Variants in EPHA7 observed in about 807,000 individuals in gnomAD.
The protein encoded by EPHA7 is ephrin type-A receptor 7.
EPHA7 carries 25 observed loss-of-function variants against 112.6 expected under a neutral mutation model. The ratio of observed to expected loss-of-function variants is 0.22; its 90% CI spans 0.16 to 0.31. The LOEUF is 0.31. EPHA7 is among the 10% of genes least tolerant of loss of function. EPHA7 has a pLI of 1.00. For missense variants in EPHA7, 962 were observed against 1,212.6 expected (o/e 0.79, Z 3.07); for synonymous variants, 437 against 406.5 (o/e 1.07, Z -0.90).
At chr6:93,349,392 T>C (rs1775573606) in intron 5 of EPHA7, among the ~76,000 whole-genome samples, 1 of 151,920 alleles carries the variant, frequency 6.6e-6, no homozygotes, top group African/African-American at 2.4e-5. Flanking sequence ...AATCCTGCAC[T>C]TTCGGATACC....
intron 5 of EPHA7, among the ~76,000 whole-genome samples, chr6:93,282,747 G>C (rs114114915): frequency 0.035 from 5,285 of 152,222 alleles, 323 homozygotes; most frequent in African/African-American, 0.12. Context: ...TCAGAGCCGC[G>C]GGACCTGCCA....
chr6:93,322,618 A>T (rs1316075829), intron 5 of EPHA7, among the ~76,000 whole-genome samples: 1 of 151,666 alleles, frequency 6.6e-6, no homozygotes, highest in East Asian at 1.9e-4. Flanking sequence ...AAAGCAGTGC[A>T]CGTAGCTCAG....
chr6:93,362,940 C>T (rs1284313410), intron 3 of EPHA7, among the ~76,000 whole-genome samples: 2 of 152,092 alleles, frequency 1.3e-5, no homozygotes, highest in Non-Finnish European at 2.9e-5. Flanking sequence ...AGAAAATCCA[C>T]CTACTTCTAG....
intron 5 of EPHA7, among the ~76,000 whole-genome samples, chr6:93,348,785 T>C (rs1297038143): frequency 6.6e-6 from 1 of 151,890 alleles, no homozygotes; most frequent in Admixed American, 6.6e-5. Flanking sequence ...TATTACAGTA[T>C]ACAAAGAATT....
intron 3 of EPHA7, among the ~76,000 whole-genome samples, chr6:93,388,206 A>C (rs1322702992): frequency 6.6e-6 from 1 of 152,166 alleles, no homozygotes; most frequent in Non-Finnish European, 1.5e-5. Context: ...CCATGAAAGC[A>C]AATATAATTT....
At chr6:93,371,616 TC>T (rs1369921244) in intron 3 of EPHA7, among the ~76,000 whole-genome samples, 1 of 152,164 alleles carries the variant, frequency 6.6e-6, no homozygotes, top group Non-Finnish European at 1.5e-5. Flanking sequence ...AGTACTGTTT[TC>T]TCATAGGAAA....
chr6:93,272,242 T>C, intron 6 of EPHA7, 56 bp downstream of exon 6: 2 of 1,601,186 alleles, frequency 1.2e-6, no homozygotes, highest in Non-Finnish European at 1.7e-6. Context: ...TACAATACAG[T>C]AGGATGACAT....
At chr6:93,256,530 C>G (rs1227345974) in intron 12 of EPHA7, among the ~76,000 whole-genome samples, 2 of 152,032 alleles carry the variant, frequency 1.3e-5, no homozygotes, top group African/African-American at 4.8e-5. Flanking sequence ...ATTGTAGTGG[C>G]CACTTTGTTT....
At chr6:93,274,926 T>C (rs1424828267) in intron 5 of EPHA7, among the ~76,000 whole-genome samples, 1 of 151,938 alleles carries the variant, frequency 6.6e-6, no homozygotes, top group Non-Finnish European at 1.5e-5. Context: ...GATAAAGTTA[T>C]ATGTTAAAGT....
intron 3 of EPHA7, among the ~76,000 whole-genome samples, chr6:93,360,393 A>C (rs1040282763): frequency 6.6e-6 from 1 of 152,180 alleles, no homozygotes; most frequent in African/African-American, 2.4e-5. Flanking sequence ...TGAGACATTA[A>C]GGCCTGGACA....
chr6:93,374,663 G>A (rs555294830), intron 3 of EPHA7, among the ~76,000 whole-genome samples: 8 of 152,252 alleles, frequency 5.3e-5, no homozygotes, highest in African/African-American at 1.9e-4. Flanking sequence ...GAGACTAGTC[G>A]CTCAGACTGC....
intron 5 of EPHA7, among the ~76,000 whole-genome samples, chr6:93,323,357 G>A (rs933839850): frequency 1.3e-4 from 19 of 151,326 alleles, no homozygotes; most frequent in African/African-American, 3.6e-4. Flanking sequence ...ATTCTTCCAC[G>A]AATTCTTTCC....
chr6:93,250,644 C>T (rs1479715651), intron 14 of EPHA7, among the ~76,000 whole-genome samples: 1 of 152,042 alleles, frequency 6.6e-6, no homozygotes, highest in Non-Finnish European at 1.5e-5. Flanking sequence ...GTTAGATATT[C>T]TTGGAAAAAC....
At chr6:93,247,961 CAAATCTGAGCAGCAAAGGG>C (rs1382992008) in intron 14 of EPHA7, among the ~76,000 whole-genome samples, 1 of 151,772 alleles carries the variant, frequency 6.6e-6, no homozygotes, top group Non-Finnish European at 1.5e-5. Context: ...GAAAATGTTC[CAAATCTGAGCAGCAAAGGG>C]AAGAGAACAA....
intron 5 of EPHA7, among the ~76,000 whole-genome samples, chr6:93,319,700 A>G (rs1176333924): frequency 6.6e-6 from 1 of 152,146 alleles, no homozygotes; most frequent in Non-Finnish European, 1.5e-5. Flanking sequence ...TTTTGCAGTA[A>G]TCCAGATAGG....
chr6:93,363,111 A>G (rs1776336582), intron 3 of EPHA7, among the ~76,000 whole-genome samples: 1 of 152,136 alleles, frequency 6.6e-6, no homozygotes, highest in Non-Finnish European at 1.5e-5. Flanking sequence ...GCTGAACATT[A>G]GGAAGGCTTT....
intron 3 of EPHA7, among the ~76,000 whole-genome samples, chr6:93,399,760 T>C (rs1582669706): frequency 2.0e-5 from 3 of 152,046 alleles, no homozygotes; most frequent in South Asian, 2.1e-4. Flanking sequence ...ATATGTATTA[T>C]GTGTGTGTAC....
At chr6:93,366,209 C>G in intron 3 of EPHA7, among the ~76,000 whole-genome samples, 1 of 151,950 alleles carries the variant, frequency 6.6e-6, no homozygotes, top group South Asian at 2.1e-4. Context: ...TTTATAAATA[C>G]GAGCCTGTGT....
intron 5 of EPHA7, among the ~76,000 whole-genome samples, chr6:93,306,885 A>C (rs1773286571): frequency 6.6e-6 from 1 of 152,022 alleles, no homozygotes; most frequent in Non-Finnish European, 1.5e-5. Flanking sequence ...AGAAGGAGAA[A>C]AAAACTCTCT....
Sources: allele counts gnomAD v4.1 joint callset (sites outside exome capture counted in the v4.1 genomes callset), GRCh38; gene constraint gnomAD v4.1.1; transcripts MANE v1.5; gene names NCBI Gene and HGNC (gene_info 2026-07-23, HGNC 2026-07-21).